Variants in ROBO1 observed in about 807,000 individuals in gnomAD.
The protein encoded by ROBO1 is roundabout guidance receptor 1.
ROBO1 carries 149 observed loss-of-function variants against 195.9 expected under a neutral mutation model. The ratio of observed to expected loss-of-function variants is 0.76; its 90% CI spans 0.67 to 0.87. The LOEUF (loss-of-function observed/expected upper bound fraction) is 0.87, where lower values mean the gene tolerates loss of function less well. ROBO1 is among the 40% of genes least tolerant of loss of function. ROBO1 has a pLI of 0.00. For synonymous variants in ROBO1, 816 were observed against 733.2 expected, an observed-to-expected ratio of 1.11 and a Z score of -1.82; for missense variants, 1,933 against 2,068.3, an observed-to-expected ratio of 0.93 and a Z score of 1.27.
At chr3:79,628,168 T>C (rs553044496) in intron 1 of ROBO1, among the ~76,000 whole-genome samples, 2 of 152,290 alleles carry the variant, frequency 1.3e-5, no homozygotes, top group East Asian at 3.9e-4. Flanking sequence ...CATTCTATTA[T>C]AAAGACACAT....
chr3:79,054,538 G>A (rs113867196), intron 3 of ROBO1, among the ~76,000 whole-genome samples: 2,050 of 152,160 alleles, frequency 0.013, 62 homozygotes, highest in African/African-American at 0.047. Context: ...GACACCCACA[G>A]AGCTATTCTG....
intron 3 of ROBO1, among the ~76,000 whole-genome samples, chr3:79,046,066 C>A (rs1481002819): frequency 6.6e-6 from 1 of 152,084 alleles, no homozygotes; most frequent in Non-Finnish European, 1.5e-5. Context: ...TTAGTTTAGA[C>A]TTGTGTATAA....
chr3:79,455,253 T>C (rs2039579898), intron 2 of ROBO1, among the ~76,000 whole-genome samples: 1 of 152,100 alleles, frequency 6.6e-6, no homozygotes, highest in Non-Finnish European at 1.5e-5. Flanking sequence ...ATTTAACACT[T>C]ACCTCTGTGG....
At chr3:78,650,673 G>A (rs1050233954) in intron 19 of ROBO1, among the ~76,000 whole-genome samples, 2 of 152,182 alleles carry the variant, frequency 1.3e-5, no homozygotes, top group Admixed American at 6.5e-5. Context: ...GTTGGTGATG[G>A]TAGGGTAGGA....
At chr3:79,495,885 C>A (rs1040344426) in intron 2 of ROBO1, among the ~76,000 whole-genome samples, 1 of 151,920 alleles carries the variant, frequency 6.6e-6, no homozygotes, top group Non-Finnish European at 1.5e-5. Context: ...AAAATAATAG[C>A]ACTTATTGCG....
intron 24 of ROBO1, among the ~76,000 whole-genome samples, chr3:78,632,512 T>C (rs956223849): frequency 1.3e-5 from 2 of 152,200 alleles, no homozygotes; most frequent in African/African-American, 4.8e-5. Flanking sequence ...TCCTCTGGAT[T>C]TCCTGATATA....
At chr3:79,269,277 C>T (rs1034650962) in intron 2 of ROBO1, among the ~76,000 whole-genome samples, 4 of 151,722 alleles carry the variant, frequency 2.6e-5, no homozygotes, top group Non-Finnish European at 1.5e-5. Flanking sequence ...ACAGGATCAG[C>T]GCCATATTCA....
At chr3:78,884,689 A>G (rs1360651145) in intron 4 of ROBO1, among the ~76,000 whole-genome samples, 1 of 145,822 alleles carries the variant, frequency 6.9e-6, no homozygotes, top group Non-Finnish European at 1.5e-5. Context: ...GGAAGGAAGG[A>G]AGGAAGGAAG....
chr3:79,400,539 T>C (rs1263452091), intron 2 of ROBO1, among the ~76,000 whole-genome samples: 1 of 152,092 alleles, frequency 6.6e-6, no homozygotes, highest in East Asian at 1.9e-4. Flanking sequence ...ATAACAAGGG[T>C]AATTTTTAAT....
chr3:78,928,032 T>G (rs2039312296), intron 4 of ROBO1, among the ~76,000 whole-genome samples: 1 of 152,170 alleles, frequency 6.6e-6, no homozygotes, highest in Admixed American at 6.5e-5. Flanking sequence ...ATACACCAAC[T>G]ATTAATCCTT....
At chr3:79,284,893 T>G (rs1164857715) in intron 2 of ROBO1, among the ~76,000 whole-genome samples, 4 of 151,980 alleles carry the variant, frequency 2.6e-5, no homozygotes, top group Non-Finnish European at 4.4e-5. Flanking sequence ...TAATTATTAC[T>G]CAAAACATTT....
chr3:79,448,445 T>A (rs922063934), intron 2 of ROBO1, among the ~76,000 whole-genome samples: 1 of 152,144 alleles, frequency 6.6e-6, no homozygotes, highest in Non-Finnish European at 1.5e-5. Flanking sequence ...TTTGTAAGGG[T>A]CCTCCATAAA....
intron 4 of ROBO1, among the ~76,000 whole-genome samples, chr3:78,851,971 A>G (rs932646587): frequency 1.3e-5 from 2 of 152,100 alleles, no homozygotes; most frequent in Non-Finnish European, 2.9e-5. Flanking sequence ...GCAAACATTT[A>G]TGGGCCATTT....
chr3:79,627,106 A>T (rs183479247), intron 1 of ROBO1, among the ~76,000 whole-genome samples: 2 of 152,282 alleles, frequency 1.3e-5, no homozygotes, highest in East Asian at 3.9e-4. Flanking sequence ...GCTATTCCCC[A>T]TGAAACTACC....
intron 3 of ROBO1, among the ~76,000 whole-genome samples, chr3:79,059,099 C>A (rs566351794): frequency 6.6e-6 from 1 of 152,168 alleles, no homozygotes; most frequent in South Asian, 2.1e-4. Flanking sequence ...TCGAATATTG[C>A]ATGCAAATGC....
chr3:79,431,370 C>T (rs574813529), intron 2 of ROBO1, among the ~76,000 whole-genome samples: 19 of 152,170 alleles, frequency 1.2e-4, no homozygotes, highest in African/African-American at 4.6e-4. Flanking sequence ...TCTTCATTCC[C>T]ACCGTGCAAG....
chr3:79,325,429 A>T (rs923896289), intron 2 of ROBO1, among the ~76,000 whole-genome samples: 3 of 152,212 alleles, frequency 2.0e-5, no homozygotes, highest in African/African-American at 7.2e-5. Flanking sequence ...AAATGTATCA[A>T]ATCTTTTCTG....
intron 2 of ROBO1, among the ~76,000 whole-genome samples, chr3:79,512,348 T>A (rs1390188582): frequency 6.6e-6 from 1 of 152,168 alleles, no homozygotes; most frequent in Non-Finnish European, 1.5e-5. Context: ...TATATTGAAT[T>A]CACCATTTTT....
intron 1 of ROBO1, among the ~76,000 whole-genome samples, chr3:79,603,051 G>A (rs1186305484): frequency 1.3e-5 from 2 of 151,880 alleles, no homozygotes; most frequent in Admixed American, 6.6e-5. Context: ...CATATGCCTG[G>A]CCTTTCCCTG....
Sources: allele counts gnomAD v4.1 joint callset (sites outside exome capture counted in the v4.1 genomes callset), GRCh38; gene constraint gnomAD v4.1.1; transcripts MANE v1.5; gene names NCBI Gene and HGNC (gene_info 2026-07-23, HGNC 2026-07-21).